Variants in ARHGEF9 observed in about 807,000 individuals in gnomAD.
ARHGEF9 encodes the protein Cdc42 guanine nucleotide exchange factor 9.
ARHGEF9 carries 2 observed loss-of-function variants against 41.3 expected under a neutral mutation model. That is an observed-to-expected ratio of 0.05 (90% confidence interval 0.02 to 0.15). ARHGEF9 has a LOEUF of 0.15. Ranked by LOEUF, ARHGEF9 falls within the 10% of genes least tolerant of loss-of-function variation. The probability of loss-of-function intolerance (pLI) is 1.00; values close to 1 mark genes in which losing one functional copy is unlikely to be tolerated. For missense variants in ARHGEF9, 225 were observed against 424.7 expected (o/e 0.53, Z 4.13); for synonymous variants, 160 against 154.4 (o/e 1.04, Z -0.27).
At chrX:63,658,378 G>C (rs1261976391) in intron 7 of ARHGEF9, among the ~76,000 whole-genome samples, 1 of 111,971 alleles carries the variant, frequency 8.9e-6, no homozygotes, top group African/African-American at 3.2e-5. Context: ...GAGTAGCTAA[G>C]ACTATAAGCA....
chrX:63,656,831 C>T (rs782781277), intron 7 of ARHGEF9: 5 of 111,953 alleles, frequency 4.5e-5, no homozygotes, highest in African/African-American at 1.3e-4. Context: ...GGAAGGAAAA[C>T]TATTTGTAAT....
intron 4 of ARHGEF9, among the ~76,000 whole-genome samples, chrX:63,681,542 T>C (rs1382907922): frequency 1.8e-5 from 2 of 110,853 alleles, no homozygotes; most frequent in African/African-American, 6.6e-5. Context: ...TTAAAAAATA[T>C]CTTGAGACAA....
rs782820160 is a variant in ARHGEF9 at position 63,784,030 on chromosome X, CT to C, written c.30+1085del. On this transcript the variant is annotated intron_variant, in intron 1 of 9. Transcript: ENST00000671741. ...AGTCCTAGCCCACACCAGATTCCCT[CT>C]TCCCCTCCACAATGAAAGCAAAAAT... is the stretch of plus-strand genomic sequence containing the variant. Among the ~76,000 whole-genome samples the C allele has an allele frequency of 4.9e-3, 554 of 112,178 alleles. 1 individual carries two copies. The highest frequency in any genetic ancestry group is 8.3e-3 in the Non-Finnish European group (442 of 53,206).
At chrX:63,724,778 C>T in intron 1 of ARHGEF9, 67 bp from the exon 2 acceptor site, 10 of 1,042,927 alleles carry the variant, frequency 9.6e-6, no homozygotes, top group Non-Finnish European at 1.3e-5. Context: ...CCCCCACCCA[C>T]AGAGCTCTAC....
chrX:63,684,475 C>T (rs2050855655), intron 4 of ARHGEF9, among the ~76,000 whole-genome samples: 1 of 110,803 alleles, frequency 9.0e-6, no homozygotes, highest in Non-Finnish European at 1.9e-5. Flanking sequence ...AAGATGTTCC[C>T]AAAGAAATCA....
At chrX:63,755,360 T>G (rs1461871798) in intron 1 of ARHGEF9, 5 of 534,823 alleles carry the variant, frequency 9.3e-6, no homozygotes, top group Middle Eastern at 6.6e-4. Context: ...CCACCAGTTC[T>G]GGTTTGGGGG....
At position 63,638,009 on chromosome X, in the gene ARHGEF9, A is replaced by G. The variant is rs1390953622; in HGVS notation, c.*19T>C. 16 of 1,184,599 alleles carry G rather than the reference A, an allele frequency of 1.4e-5. No individual in the cohort carries two copies. Among genetic ancestry groups the G allele is most frequent in the Non-Finnish European group, 1.7e-5 (15 of 883,116 alleles). On this transcript the variant is annotated 3_prime_UTR_variant, in exon 10 of 10. Coordinates refer to ENST00000671741, the MANE Select transcript of ARHGEF9 (RefSeq NM_001353921.2). ...ATTTTATTTACTTTATTTTAAAATT[A>G]TCTGCCTCCCTGTAGGTATCATTTT...
intron 5 of ARHGEF9, among the ~76,000 whole-genome samples, chrX:63,676,573 G>A (rs781902938): frequency 2.7e-5 from 3 of 112,039 alleles, no homozygotes; most frequent in Non-Finnish European, 5.6e-5. Context: ...GTTTCTCCTT[G>A]GCAAGATGTC....
At chrX:63,673,445 A>C (rs1556357908) in intron 6 of ARHGEF9, among the ~76,000 whole-genome samples, 1 of 111,455 alleles carries the variant, frequency 9.0e-6, no homozygotes, top group African/African-American at 3.3e-5. Context: ...TAGGAAGGGA[A>C]GGTCTTTCAG....
At chrX:63,766,924 G>A (rs1456064765) in intron 1 of ARHGEF9, 3 of 433,997 alleles carry the variant, frequency 6.9e-6, no homozygotes, top group Non-Finnish European at 1.2e-5. Context: ...TGCAGGAAAG[G>A]AACTGCTCAC....
chrX:63,752,922 A>G (rs183582468), intron 1 of ARHGEF9, among the ~76,000 whole-genome samples: 1 of 111,259 alleles, frequency 9.0e-6, no homozygotes, highest in East Asian at 2.8e-4. Context: ...GTAGATGTGT[A>G]TGTGTCCTGA....
chrX:63,759,039 A>T (rs1266265558), intron 1 of ARHGEF9, among the ~76,000 whole-genome samples: 1 of 111,586 alleles, frequency 9.0e-6, no homozygotes, highest in East Asian at 2.8e-4. Context: ...ACCTGATGGA[A>T]CCACAGAGAA....
intron 3 of ARHGEF9, among the ~76,000 whole-genome samples, chrX:63,703,867 G>A (rs1300145060): frequency 9.0e-6 from 1 of 111,576 alleles, no homozygotes; most frequent in East Asian, 2.8e-4. Flanking sequence ...GAGGATGGGA[G>A]CCATGTAAAT....
intron 1 of ARHGEF9, among the ~76,000 whole-genome samples, chrX:63,759,227 G>A (rs1556448604): frequency 9.0e-6 from 1 of 111,227 alleles, no homozygotes; most frequent in African/African-American, 3.3e-5. Context: ...CCATGTGTGG[G>A]TAGCTTTCTG....
chrX:63,717,046 A>G (rs2053350734), intron 2 of ARHGEF9, among the ~76,000 whole-genome samples: 1 of 112,814 alleles, frequency 8.9e-6, no homozygotes, highest in South Asian at 3.7e-4. Context: ...TCTACTGAGC[A>G]GCAATGTCAA....
intron 9 of ARHGEF9, chrX:63,639,658 C>A (rs1169395520): frequency 8.9e-6 from 1 of 111,914 alleles, no homozygotes; most frequent in Non-Finnish European, 1.9e-5. Flanking sequence ...GAGATATTTG[C>A]ACTCCTATGT....
intron 1 of ARHGEF9, chrX:63,736,901 A>T (rs1340386574): frequency 8.2e-5 from 9 of 110,095 alleles, no homozygotes; most frequent in African/African-American, 2.0e-4. Flanking sequence ...TGTGTTTTAT[A>T]AAAAAAAACT....
chrX:63,763,939 T>C (rs782721524), intron 1 of ARHGEF9, among the ~76,000 whole-genome samples: 1 of 111,810 alleles, frequency 8.9e-6, no homozygotes, highest in South Asian at 3.7e-4. Flanking sequence ...ATAGAAGACA[T>C]AATACCTGTC....
rs1556334668 is a variant in ARHGEF9 at position 63,655,554 on chromosome X, T to C, written c.1261A>G (p.Ile421Val). The change falls in exon 8 of 10, where the codon ATA becomes GTA. Residue 421 changes from isoleucine to valine, a missense_variant. Transcript: ENST00000671741. ...TCTCTGAAAGCCCTGAGCCAGCGTA[T>C]TTTTTCCTCCAGCTTCTTGGCAAAG... ...LFFAKKLEEK[I>V]RWLRAFREER... 2 of 1,211,534 alleles carry C rather than the reference T, an allele frequency of 1.7e-6. No homozygotes were observed. The highest frequency in any genetic ancestry group is 3.0e-5 in the East Asian group (1 of 33,843).
Sources: allele counts gnomAD v4.1 joint callset (sites outside exome capture counted in the v4.1 genomes callset), GRCh38; gene constraint gnomAD v4.1.1; transcripts MANE v1.5; gene names NCBI Gene and HGNC (gene_info 2026-07-23, HGNC 2026-07-21).